The following SLC26A7 variants were observed in gnomAD, a reference collection of about 807,000 sequenced individuals.
SLC26A7 encodes anion exchange transporter.
In SLC26A7, 59 loss-of-function variants were observed where a neutral mutation model predicts 82.5. The ratio of observed to expected loss-of-function variants is 0.72; its 90% CI spans 0.58 to 0.89. SLC26A7 has a LOEUF of 0.89. Among genes scored for constraint, SLC26A7 ranks in the 40% least tolerant of loss-of-function variants. The pLI, the probability that SLC26A7 is intolerant of heterozygous loss-of-function variation, is 0.00. For missense variants in SLC26A7, 820 were observed against 793.0 expected (o/e 1.03, Z -0.41); for synonymous variants, 271 against 274.3 (o/e 0.99, Z 0.12).
intron 2 of SLC26A7, among the ~76,000 whole-genome samples, chr8:91,254,794 A>T (rs1207523001): frequency 1.3e-5 from 2 of 152,168 alleles, no homozygotes; most frequent in Non-Finnish European, 2.9e-5. Flanking sequence ...TATTTTTAAC[A>T]TTTGGCAGTT....
At chr8:91,297,879 G>A (rs186443620) in intron 4 of SLC26A7, among the ~76,000 whole-genome samples, 10 of 152,098 alleles carry the variant, frequency 6.6e-5, no homozygotes, top group Admixed American at 3.9e-4. Context: ...TTTAGTTTCA[G>A]GTTGATTTTT....
chr8:91,394,622 G>T, intron 18 of SLC26A7: 1 of 1,143,914 alleles, frequency 8.7e-7, no homozygotes. Flanking sequence ...AATAACATTT[G>T]GTGCCTCGCA....
intron 15 of SLC26A7, among the ~76,000 whole-genome samples, chr8:91,384,556 A>G (rs1814747993): frequency 6.6e-6 from 1 of 152,076 alleles, no homozygotes; most frequent in South Asian, 2.1e-4. Context: ...TCCATCACAC[A>G]AGGTCTCCTT....
chr8:91,285,652 C>T (rs944393596), intron 2 of SLC26A7, among the ~76,000 whole-genome samples: 1 of 152,202 alleles, frequency 6.6e-6, no homozygotes, highest in African/African-American at 2.4e-5. Flanking sequence ...ACTGTAATAG[C>T]TGCTCCTTTG....
At chr8:91,315,183 A>G (rs1290454909) in intron 4 of SLC26A7, among the ~76,000 whole-genome samples, 1 of 152,216 alleles carries the variant, frequency 6.6e-6, no homozygotes, top group African/African-American at 2.4e-5. Context: ...CAACATTCCA[A>G]GTATGCATAA....
At chr8:91,319,881 A>T (rs927197157) in intron 5 of SLC26A7, among the ~76,000 whole-genome samples, 1 of 152,172 alleles carries the variant, frequency 6.6e-6, no homozygotes, top group African/African-American at 2.4e-5. Flanking sequence ...GAAGCAGGGT[A>T]GCCTGCTGTG....
intron 1 of SLC26A7, among the ~76,000 whole-genome samples, chr8:91,210,075 A>G (rs1376785120): frequency 1.3e-5 from 2 of 152,180 alleles, no homozygotes; most frequent in African/African-American, 4.8e-5. Flanking sequence ...CATAGACAGA[A>G]CCAACAACGA....
At chr8:91,384,833 T>A (rs1440247060) in intron 15 of SLC26A7, among the ~76,000 whole-genome samples, 3 of 152,136 alleles carry the variant, frequency 2.0e-5, no homozygotes, top group African/African-American at 4.8e-5. Context: ...TGTGCACGTG[T>A]TTTCCAAAGG....
intron 4 of SLC26A7, among the ~76,000 whole-genome samples, chr8:91,316,451 ATTTTTTTTTTTTTTTTTT>A (rs58981485): frequency 6.4e-4 from 22 of 34,424 alleles, no homozygotes; most frequent in East Asian, 1.8e-3. Context: ...CTCAACACTA[ATTTTTTTTTTTTTTTTTT>A]TTTTTTTTTT....
chr8:91,255,864 A>G (rs2130706223), intron 2 of SLC26A7, among the ~76,000 whole-genome samples: 1 of 152,300 alleles, frequency 6.6e-6, no homozygotes, highest in East Asian at 1.9e-4. Flanking sequence ...TGTTGAAAAC[A>G]TGGCAAGGTT....
At chr8:91,394,464 GT>G in intron 18 of SLC26A7, 3 of 1,388,036 alleles carry the variant, frequency 2.2e-6, no homozygotes, top group Non-Finnish European at 2.8e-6. Flanking sequence ...AATACTATTT[GT>G]AGAATCTAGT....
chr8:91,238,187 A>G (rs920774506), intron 2 of SLC26A7, among the ~76,000 whole-genome samples: 2 of 152,230 alleles, frequency 1.3e-5, no homozygotes, highest in African/African-American at 4.8e-5. Flanking sequence ...AAAAATTCAT[A>G]GGAGAAACAT....
intron 2 of SLC26A7, among the ~76,000 whole-genome samples, chr8:91,223,692 C>T (rs1436754276): frequency 6.6e-6 from 1 of 152,076 alleles, no homozygotes; most frequent in African/African-American, 2.4e-5. Context: ...ATGGTTTTCT[C>T]TGTATTTGCT....
At chr8:91,300,954 A>G (rs921400920) in intron 4 of SLC26A7, among the ~76,000 whole-genome samples, 2 of 152,236 alleles carry the variant, frequency 1.3e-5, no homozygotes, top group Non-Finnish European at 2.9e-5. Flanking sequence ...AGAAACTAGA[A>G]AAAATGTTGA....
intron 7 of SLC26A7, among the ~76,000 whole-genome samples, chr8:91,338,735 G>A (rs1423976473): frequency 1.3e-5 from 2 of 152,154 alleles, no homozygotes; most frequent in South Asian, 2.1e-4. Flanking sequence ...TGGCCACTAA[G>A]AAGGAGTTTA....
chr8:91,331,615 GT>G (rs1813083853), intron 5 of SLC26A7, among the ~76,000 whole-genome samples: 1 of 152,050 alleles, frequency 6.6e-6, no homozygotes. Context: ...CATAAAAATT[GT>G]ATATATTCAA....
intron 4 of SLC26A7, among the ~76,000 whole-genome samples, chr8:91,312,049 A>G (rs1401637730): frequency 1.3e-5 from 2 of 152,068 alleles, no homozygotes; most frequent in African/African-American, 4.8e-5. Context: ...TTTCACACAT[A>G]TGTCTCCATA....
intron 10 of SLC26A7, among the ~76,000 whole-genome samples, chr8:91,352,396 A>T (rs1813741350): frequency 3.3e-5 from 5 of 152,084 alleles, no homozygotes; most frequent in Admixed American, 3.3e-4. Context: ...ATCCTTTGTT[A>T]TTCTAATTTT....
intron 2 of SLC26A7, among the ~76,000 whole-genome samples, chr8:91,235,677 C>T (rs1474722214): frequency 6.6e-6 from 1 of 152,112 alleles, no homozygotes; most frequent in Non-Finnish European, 1.5e-5. Flanking sequence ...TGATTTCAAA[C>T]TGATGTTTAA....
Sources: gnomAD v4.1 joint callset for allele counts (sites outside exome capture counted in the v4.1 genomes callset) on GRCh38, gnomAD v4.1.1 for gene constraint, MANE v1.5 for transcripts, NCBI Gene and HGNC (gene_info 2026-07-23, HGNC 2026-07-21) for gene names.